Variants in PRR12 observed in about 807,000 individuals in gnomAD.
PRR12 encodes the protein proline rich 12.
A neutral mutation model predicts 138.0 loss-of-function variants in PRR12; 12 were observed. The ratio of observed to expected loss-of-function variants is 0.09; its 90% confidence interval spans 0.06 to 0.14. PRR12 has a LOEUF of 0.14. Ranked by LOEUF, PRR12 falls within the 10% of genes least tolerant of loss-of-function variation. The pLI, the probability that PRR12 is intolerant of heterozygous loss-of-function variation, is 1.00. For synonymous variants in PRR12, 1,567 were observed against 1,291.7 expected (o/e 1.21, Z -4.57); for missense variants, 2,692 against 2,861.3 (o/e 0.94, Z 1.35).
chr19:49,619,483 C>T (rs1430288515), intron 9 of PRR12, among the ~76,000 whole-genome samples: 1 of 149,344 alleles, frequency 6.7e-6, no homozygotes, highest in African/African-American at 2.5e-5. Context: ...GATCCACTTG[C>T]CTTGGCCTCC....
chr19:49,604,494 A>G (rs975740278), intron 6 of PRR12, among the ~76,000 whole-genome samples: 2 of 152,070 alleles, frequency 1.3e-5, no homozygotes. Flanking sequence ...CCTGGCCAAC[A>G]TGATGAAAGC....
In PRR12 at chr19:49,594,547, G is replaced by A. The variant is rs1272059338; in HGVS notation, c.293G>A (p.Arg98Gln). 11 of 1,612,396 alleles carry A rather than the reference G, an allele frequency of 6.8e-6. No individual in the cohort carries two copies. The highest frequency in any genetic ancestry group is 7.6e-6 in the Non-Finnish European group (9 of 1,179,244). The change falls in exon 3 of 14, where the codon CGG becomes CAG. Residue 98 changes from arginine (R) to glutamine (Q), a missense_variant. Physicochemically the swap from Arg to Gln is conservative, Grantham distance 43. This residue lies in a region of PRR12 where 211 missense variants were observed against 266.3 expected (regional missense o/e 0.79). Coordinates refer to ENST00000418929, the MANE Select transcript of PRR12 (RefSeq NM_020719.3). The surrounding 1 kb of genome is among the most constrained non-coding windows in gnomAD (Gnocchi z 5.6). The stretch of plus-strand genomic sequence containing the variant: ...AACCTTATCTCGGCCCTGGAATCCC[G>A]GGGCCCCCAGCCTGGCCCCTCCGCC... The part of the protein sequence containing the change: ...VMNLISALES[R>Q]GPQPGPSASS...
chr19:49,613,784 C>G (rs2080878215), intron 6 of PRR12, among the ~76,000 whole-genome samples: 2 of 152,102 alleles, frequency 1.3e-5, no homozygotes, highest in South Asian at 4.1e-4. Context: ...GGTTGCTATA[C>G]CAGAATACCA....
chr19:49,598,782 A>G (rs1399989662), intron 4 of PRR12, among the ~76,000 whole-genome samples: 3 of 152,164 alleles, frequency 2.0e-5, no homozygotes, highest in Admixed American at 6.5e-5. Context: ...TGATTGCATC[A>G]CTGTGGCCTG....
At position 49,596,518 on chromosome 19, in the gene PRR12, A is replaced by G. The variant is rs1568422592; in HGVS notation, c.2183A>G (p.Lys728Arg). Residue 728 changes from lysine to arginine, a missense_variant, in exon 4 of 14, where the codon AAG becomes AGG. Physicochemically the swap from Lys to Arg is conservative, Grantham distance 26. Coordinates refer to ENST00000418929, the MANE Select transcript of PRR12 (RefSeq NM_020719.3). This position sits in a 1 kb window ranked among gnomAD's most constrained non-coding sequence, Gnocchi z 5.6. ...LELGLGRLKE[K>R]KKGPERGGET... Reference sequence around the variant, plus strand: ...CTGGGCCTGGGGAGGCTGAAGGAGAAGAAGAAAGGGCCAGAGCGGGGTGGC... The same window carrying G: ...CTGGGCCTGGGGAGGCTGAAGGAGAGGAAGAAAGGGCCAGAGCGGGGTGGC... 1 of 1,610,040 alleles carries G rather than the reference A, an allele frequency of 6.2e-7. No homozygotes were observed. The highest frequency in any genetic ancestry group is 1.3e-5 in the African/African-American group (1 of 74,952).
intron 8 of PRR12, 100 bp downstream of exon 8, chr19:49,615,109 CAG>C (rs1599799022): frequency 4.0e-6 from 6 of 1,515,896 alleles, no homozygotes; most frequent in Admixed American, 1.8e-5. Context: ...GGGGTGGGGA[CAG>C]AGAGAGGAGA....
intron 6 of PRR12, among the ~76,000 whole-genome samples, chr19:49,607,414 A>G (rs2080844422): frequency 6.6e-6 from 1 of 151,790 alleles, no homozygotes; most frequent in African/African-American, 2.4e-5. Context: ...AAAACTATTA[A>G]TGATGTTTTT....
chr19:49,594,935 C>G lies in PRR12; in HGVS notation c.600C>G (p.Pro200=). 6.2e-7 allele frequency: 1 copy of G among 1,605,764 alleles called. No homozygotes were observed. The highest frequency in any genetic ancestry group is 8.5e-7 in the Non-Finnish European group (1 of 1,176,820). Residue 200 remains proline (P), a synonymous_variant, in exon 4 of 14, where the codon CCC becomes CCG. Coordinates refer to ENST00000418929, the MANE Select transcript of PRR12 (RefSeq NM_020719.3). The surrounding 1 kb of genome is among the most constrained non-coding windows in gnomAD (Gnocchi z 5.6). ...HLKPSQAPTV[P]SSLGFERLAG... Reference sequence around the variant, plus strand: ...AGCCCTCGCAGGCACCCACGGTGCCCTCTTCACTGGGCTTCGAGCGCCTGG... The same window carrying G: ...AGCCCTCGCAGGCACCCACGGTGCCGTCTTCACTGGGCTTCGAGCGCCTGG...
chr19:49,613,246 A>G lies in PRR12; in HGVS notation c.4774-1287A>G, dbSNP rs1045524308. On this transcript the variant is annotated intron_variant, in intron 6 of 13. Transcript: ENST00000418929. ...GCTACTAAGGAGGCTGAGGCAGGAGAGTCATTTGAACCCAGGAGGCGCAGG... is the reference window on the plus strand; with the variant it reads ...GCTACTAAGGAGGCTGAGGCAGGAGGGTCATTTGAACCCAGGAGGCGCAGG... Among the ~76,000 whole-genome samples the G allele has an allele frequency of 4.0e-5, 6 of 148,416 alleles. No homozygotes were observed. In the Admixed American group the frequency reaches 4.1e-4, roughly 10 times the overall value.
rs1490208239 is a variant in PRR12 at position 49,626,365 on chromosome 19, G to GCTT, written c.*761_*763dup. On this transcript the variant is annotated 3_prime_UTR_variant, in exon 14 of 14. Coordinates refer to ENST00000418929, the MANE Select transcript of PRR12 (RefSeq NM_020719.3). ...CCCTTTGTCTCTTGCTCTTTCTTGGGCTTCTGTACAACTCAACTTGTATAC... is the reference window on the plus strand; with the variant it reads ...CCCTTTGTCTCTTGCTCTTTCTTGGGCTTCTTCTGTACAACTCAACTTGTATAC... 6.6e-6 allele frequency: 1 copy of GCTT among 152,080 alleles called. No homozygotes were observed. Among genetic ancestry groups the GCTT allele is most frequent in the Non-Finnish European group, 1.5e-5 (1 of 68,062 alleles). The allele number at this position is 152,080 out of a possible 1,614,324, so 9.4% of individuals were successfully genotyped here.
chr19:49,621,872 T>C (rs57180225), intron 11 of PRR12: 2 of 523,756 alleles, frequency 3.8e-6, no homozygotes, highest in Non-Finnish European at 6.9e-6. Flanking sequence ...GGCTGTTGTT[T>C]CGGAGAACAA....
intron 6 of PRR12, 65 bp downstream of exon 6, chr19:49,601,983 G>A (rs2080814686): frequency 1.5e-5 from 23 of 1,539,878 alleles, no homozygotes; most frequent in Non-Finnish European, 1.9e-5. Context: ...TTGAGTGCCC[G>A]CTGGATGACA....
rs1755179524 is a variant in PRR12 at position 49,596,379 on chromosome 19, G to A, written c.2044G>A (p.Gly682Arg). ...KGLGGSGGAG[G>R]PPGTPYELAK... ...ACTTGGGGGGAGTGGCGGGGCCGGG[G>A]GACCACCGGGTACACCCTACGAGTT... Residue 682 changes from glycine to arginine, a missense_variant, in exon 4 of 14, where the codon GGA (glycine) becomes AGA (arginine). Coordinates refer to ENST00000418929, the MANE Select transcript of PRR12 (RefSeq NM_020719.3). The surrounding 1 kb of genome is among the most constrained non-coding windows in gnomAD (Gnocchi z 5.6). 4.4e-6 allele frequency: 7 copies of A among 1,601,590 alleles called. No homozygotes were observed. The African/African-American group carries it at 5.3e-5, about 12-fold the overall frequency.
rs1294136439 is a variant in PRR12 at position 49,596,362 on chromosome 19, G to A, written c.2027G>A (p.Gly676Glu). The change falls in exon 4 of 14, where the codon GGG becomes GAG. Residue 676 changes from glycine (G) to glutamate (E), a missense_variant. Gly to Glu is a moderately conservative substitution (Grantham distance 98). Transcript: ENST00000418929. The surrounding 1 kb of genome is among the most constrained non-coding windows in gnomAD (Gnocchi z 5.6). ...GCAGATGCCTCTAAGGGACTTGGGGGGAGTGGCGGGGCCGGGGGACCACCG... is the reference window on the plus strand; with the variant it reads ...GCAGATGCCTCTAAGGGACTTGGGGAGAGTGGCGGGGCCGGGGGACCACCG... Reference protein sequence around the residue: ...GAADASKGLGGSGGAGGPPGT... With the variant: ...GAADASKGLGESGGAGGPPGT... The A allele has an allele frequency of 7.5e-6, 12 of 1,599,310 alleles. No individual in the cohort carries two copies. The highest frequency in any genetic ancestry group is 1.0e-5 in the Non-Finnish European group (12 of 1,176,196).
chr19:49,593,614 C>G (rs2080744563), intron 2 of PRR12, among the ~76,000 whole-genome samples, 175 bp downstream of exon 2: 1 of 152,090 alleles, frequency 6.6e-6, no homozygotes, highest in African/African-American at 2.4e-5. Context: ...TGCTTCATTT[C>G]TCGCCGGATT....
At chr19:49,593,779 A>C (rs2080745990) in intron 2 of PRR12, among the ~76,000 whole-genome samples, 1 of 151,858 alleles carries the variant, frequency 6.6e-6, no homozygotes, top group Admixed American at 6.6e-5. Context: ...GCTCTTTGGA[A>C]CTCTGAATTC....
rs1246481018 is a variant in PRR12 at position 49,621,410 on chromosome 19, G to A, written c.5624-115G>A. 9.8e-6 allele frequency: 8 copies of A among 814,468 alleles called. No homozygotes were observed. The Admixed American group carries it at 1.5e-4, about 15-fold the overall frequency. The allele number at this position is 814,468 out of a possible 1,614,324, so 50.5% of individuals were successfully genotyped here. ...CCGAAGGAGGAGGGGGCTGGGGCCT[G>A]TACTTTTGTCTCTGAGTGGGAAGGG... On this transcript the variant is annotated intron_variant, in intron 10 of 13. Coordinates refer to ENST00000418929, the MANE Select transcript of PRR12 (RefSeq NM_020719.3).
chr19:49,619,277 C>G (rs2080908648), intron 9 of PRR12, among the ~76,000 whole-genome samples: 2 of 128,590 alleles, frequency 1.6e-5, no homozygotes, highest in African/African-American at 3.1e-5. Context: ...GTTGCCCAGG[C>G]TTATTGCCAG....
intron 8 of PRR12, 42 bp downstream of exon 8, chr19:49,615,051 C>G: frequency 9.9e-6 from 16 of 1,611,288 alleles, no homozygotes; most frequent in Non-Finnish European, 1.4e-5. Flanking sequence ...GTATGTAGCG[C>G]CGACAGGCAT....
Sources: gnomAD v4.1 joint callset for allele counts (sites outside exome capture counted in the v4.1 genomes callset) on GRCh38, gnomAD v4.1.1 for gene constraint, gnomAD v4.1.1 regional missense constraint, Gnocchi (gnomAD v3.1) non-coding constraint, MANE v1.5 for transcripts, NCBI Gene and HGNC (gene_info 2026-07-23, HGNC 2026-07-21) for gene names.